Variants in CTNNA3 observed in about 807,000 individuals in gnomAD.
CTNNA3 encodes catenin alpha-3.
A neutral mutation model predicts 95.7 loss-of-function variants in CTNNA3; 76 were observed. That is an observed-to-expected ratio of 0.79 (90% CI 0.66 to 0.96). The LOEUF (loss-of-function observed/expected upper bound fraction) is 0.96, where lower values mean the gene tolerates loss of function less well. CTNNA3 is among the 40% of genes least tolerant of loss of function. The pLI is 0.00. For missense variants in CTNNA3, 1,191 were observed against 1,089.8 expected (o/e 1.09, Z -1.31); for synonymous variants, 431 against 374.4 (o/e 1.15, Z -1.74).
intron 5 of CTNNA3, among the ~76,000 whole-genome samples, chr10:67,289,903 G>T (rs1839766311): frequency 6.6e-6 from 1 of 151,700 alleles, no homozygotes; most frequent in Non-Finnish European, 1.5e-5. Context: ...GGGTTCAAGG[G>T]ATCTTCCCAC....
intron 5 of CTNNA3, among the ~76,000 whole-genome samples, chr10:67,294,571 A>C (rs1038980280): frequency 6.6e-6 from 1 of 152,152 alleles, no homozygotes; most frequent in Admixed American, 6.5e-5. Flanking sequence ...AAATCAAATA[A>C]ATTTATCATG....
chr10:66,843,905 A>C (rs1329871776), intron 7 of CTNNA3, among the ~76,000 whole-genome samples: 1 of 152,220 alleles, frequency 6.6e-6, no homozygotes, highest in Non-Finnish European at 1.5e-5. Flanking sequence ...TCACTAACGG[A>C]AGATGAAGAG....
chr10:66,234,464 A>T (rs1365658219), intron 13 of CTNNA3, among the ~76,000 whole-genome samples: 1 of 152,156 alleles, frequency 6.6e-6, no homozygotes, highest in Non-Finnish European at 1.5e-5. Flanking sequence ...TGTGTGAAGG[A>T]TGATTGAACA....
At chr10:66,463,852 A>G (rs1465846122) in intron 11 of CTNNA3, among the ~76,000 whole-genome samples, 1 of 151,312 alleles carries the variant, frequency 6.6e-6, no homozygotes, top group African/African-American at 2.4e-5. Context: ...GAGGCAAACC[A>G]TGTGGTCTGA....
chr10:66,518,757 G>GA (rs531427092), intron 11 of CTNNA3, among the ~76,000 whole-genome samples: 13 of 151,314 alleles, frequency 8.6e-5, no homozygotes, highest in South Asian at 2.1e-4. Context: ...ATGGTGAAAG[G>GA]AAAAAAAATC....
chr10:66,490,342 G>A (rs1839879545), intron 11 of CTNNA3, among the ~76,000 whole-genome samples: 1 of 152,108 alleles, frequency 6.6e-6, no homozygotes, highest in Non-Finnish European at 1.5e-5. Context: ...AAGTTGAGGA[G>A]CAATATGACA....
intron 5 of CTNNA3, among the ~76,000 whole-genome samples, chr10:67,305,259 G>A (rs560156402): frequency 1.6e-4 from 25 of 152,040 alleles, no homozygotes; most frequent in Middle Eastern, 6.8e-3. Flanking sequence ...CTGGGTGACA[G>A]AGCGAGACTC....
rs745519204 is a variant in CTNNA3 at position 66,585,776 on chromosome 10, G to T, written c.1374+35916C>A. 9.2e-5 allele frequency among the ~76,000 whole-genome samples: 14 copies of T among 151,876 alleles called. 1 individual carries two copies. In the South Asian group the frequency reaches 1.7e-3, roughly 18 times the overall value. On this transcript the variant is annotated intron_variant, in intron 10 of 17. Transcript: ENST00000433211. ...ATTTCAAAGATTTCATCTTGATTTG[G>T]ATCCACTGCTGGAGAGTCAGTGTGA...
At chr10:67,740,857 C>T (rs1841333050) in intron 1 of CTNNA3, among the ~76,000 whole-genome samples, 1 of 151,332 alleles carries the variant, frequency 6.6e-6, no homozygotes, top group Non-Finnish European at 1.5e-5. Context: ...GACACATGCA[C>T]ACGTATGTTT....
chr10:66,661,435 G>A (rs1846261992), intron 9 of CTNNA3, among the ~76,000 whole-genome samples: 1 of 152,080 alleles, frequency 6.6e-6, no homozygotes, highest in Admixed American at 6.6e-5. Flanking sequence ...ACAACACGTG[G>A]GGATTCTGGG....
intron 5 of CTNNA3, among the ~76,000 whole-genome samples, chr10:67,357,983 G>T (rs1554826715): frequency 4.0e-5 from 6 of 151,856 alleles, no homozygotes; most frequent in Non-Finnish European, 2.9e-5. Flanking sequence ...AATAAACCTG[G>T]ATATATATGA....
chr10:66,326,700 T>C lies in CTNNA3; in HGVS notation c.1733-46079A>G, dbSNP rs528510148. Among the ~76,000 whole-genome samples the C allele has an allele frequency of 3.9e-5, 6 of 152,154 alleles. No homozygotes were observed. The East Asian group carries it at 9.6e-4, about 24-fold the overall frequency. ...GATGTACATTAAATTCACGTGTGTA[T>C]TGGGGGTAGCGGGAGATCAGACCAG... is the stretch of plus-strand genomic sequence containing the variant. On this transcript the variant is annotated intron_variant, in intron 12 of 17. Transcript: ENST00000433211.
chr10:67,662,912 AT>A (rs1349914094), intron 1 of CTNNA3, among the ~76,000 whole-genome samples: 1 of 152,220 alleles, frequency 6.6e-6, no homozygotes, highest in Admixed American at 6.5e-5. Flanking sequence ...TTCATCTCTT[AT>A]CCCAGTGGCA....
chr10:66,176,307 C>T (rs1323745151), intron 13 of CTNNA3, among the ~76,000 whole-genome samples: 2 of 152,076 alleles, frequency 1.3e-5, no homozygotes, highest in Admixed American at 6.6e-5. Context: ...TTCTGAAAAC[C>T]ATCATTTAGA....
chr10:67,618,909 T>G (rs1402922242), intron 2 of CTNNA3, among the ~76,000 whole-genome samples: 1 of 152,198 alleles, frequency 6.6e-6, no homozygotes, highest in Non-Finnish European at 1.5e-5. Context: ...TGGCCAGCAC[T>G]TGATCTTTAA....
chr10:67,419,397 T>C (rs565697479), intron 5 of CTNNA3, among the ~76,000 whole-genome samples: 1 of 152,314 alleles, frequency 6.6e-6, no homozygotes, highest in South Asian at 2.1e-4. Context: ...AGGGGGTTCA[T>C]GTGCAGATTT....
At position 66,128,389 on chromosome 10, in the gene CTNNA3, C is replaced by T. The variant is rs572921610; in HGVS notation, c.1885-25140G>A. Among the ~76,000 whole-genome samples, 20 of 152,048 alleles carry T rather than the reference C, an allele frequency of 1.3e-4. No homozygotes were observed. The South Asian group carries it at 3.1e-3, about 24-fold the overall frequency. On this transcript the variant is annotated intron_variant, in intron 13 of 17. Transcript: ENST00000433211. The stretch of plus-strand genomic sequence containing the variant: ...CATAACTGCCAAAAATTGGAAGGAA[C>T]CAAGATCTCCTTTGGTAGGTGAATA...
At chr10:66,890,595 T>C (rs1845230111) in intron 7 of CTNNA3, among the ~76,000 whole-genome samples, 2 of 151,726 alleles carry the variant, frequency 1.3e-5, no homozygotes, top group South Asian at 4.2e-4. Context: ...GCAATGGGAG[T>C]AAAAAGAGAT....
intron 3 of CTNNA3, among the ~76,000 whole-genome samples, chr10:67,566,447 A>C (rs1180685507): frequency 1.3e-5 from 2 of 152,102 alleles, no homozygotes; most frequent in African/African-American, 4.8e-5. Flanking sequence ...CCATCAGAGA[A>C]ATGCAAATCA....
Sources: gnomAD v4.1 joint callset for allele counts (sites outside exome capture counted in the v4.1 genomes callset) on GRCh38, gnomAD v4.1.1 for gene constraint, MANE v1.5 for transcripts, NCBI Gene and HGNC (gene_info 2026-07-23, HGNC 2026-07-21) for gene names.